The following GHR variants were observed in gnomAD, a reference collection of about 807,000 sequenced individuals.
GHR encodes growth hormone receptor.
Under a neutral mutation model 67.1 loss-of-function variants are expected in GHR, and 35 were observed. That is an observed-to-expected ratio of 0.52 (90% CI 0.40 to 0.69). The LOEUF (loss-of-function observed/expected upper bound fraction) is 0.69. GHR is among the 30% of genes least tolerant of loss of function. GHR has a pLI of 0.00. For missense variants in GHR, 792 were observed against 764.6 expected, an observed-to-expected ratio of 1.04 and a Z score of -0.42; for synonymous variants, 272 against 269.1, an observed-to-expected ratio of 1.01 and a Z score of -0.10.
chr5:42,467,026 G>T (rs762275540), intron 1 of GHR: 15 of 1,569,996 alleles, frequency 9.6e-6, no homozygotes, highest in Non-Finnish European at 1.3e-5. Context: ...CTGTCTGAAG[G>T]CCTTCCCACA....
At chr5:42,679,699 G>C (rs1014201970) in intron 3 of GHR, among the ~76,000 whole-genome samples, 1 of 151,646 alleles carries the variant, frequency 6.6e-6, no homozygotes, top group Admixed American at 6.6e-5. Flanking sequence ...TAATAACCAA[G>C]TGACTTTGGG....
chr5:42,517,985 C>G (rs145579782), intron 1 of GHR, among the ~76,000 whole-genome samples: 1 of 152,044 alleles, frequency 6.6e-6, no homozygotes, highest in African/African-American at 2.4e-5. Context: ...CTAAGCGGCT[C>G]AGTTCTCTCA....
At chr5:42,628,981 T>A (rs1480429200) in intron 2 of GHR, 57 bp from the exon 3 acceptor site, 2 of 960,126 alleles carry the variant, frequency 2.1e-6, no homozygotes, top group African/African-American at 4.2e-5. Context: ...TTACACAGGG[T>A]CATATCAGAT....
chr5:42,443,100 T>C (rs997995378), intron 1 of GHR, among the ~76,000 whole-genome samples: 1 of 152,196 alleles, frequency 6.6e-6, no homozygotes, highest in African/African-American at 2.4e-5. Context: ...TCAGTCTGGC[T>C]ACAAAGATTT....
chr5:42,476,198 C>G (rs536961687), intron 1 of GHR, among the ~76,000 whole-genome samples: 1 of 141,056 alleles, frequency 7.1e-6, no homozygotes, highest in Non-Finnish European at 1.5e-5. Flanking sequence ...CCACCGCGCC[C>G]GGCTTTTTGT....
chr5:42,687,435 T>TC (rs1268724825), intron 3 of GHR, among the ~76,000 whole-genome samples: 1 of 152,142 alleles, frequency 6.6e-6, no homozygotes, highest in Non-Finnish European at 1.5e-5. Flanking sequence ...CTACATAGGA[T>TC]CCCCACATCC....
At chr5:42,560,382 C>CG (rs557245755) in intron 1 of GHR, among the ~76,000 whole-genome samples, 157 of 152,152 alleles carry the variant, frequency 1.0e-3, no homozygotes, top group African/African-American at 3.8e-3. Flanking sequence ...TTGGTAGAGA[C>CG]GGGGTTTCAC....
chr5:42,542,659 G>A (rs1222077164), intron 1 of GHR, among the ~76,000 whole-genome samples: 8 of 151,876 alleles, frequency 5.3e-5, no homozygotes, highest in Non-Finnish European at 1.2e-4. Context: ...ATCATTTTTG[G>A]GGTACAAGTG....
chr5:42,426,675 C>A (rs917006578), intron 1 of GHR, among the ~76,000 whole-genome samples: 2 of 152,164 alleles, frequency 1.3e-5, no homozygotes, highest in African/African-American at 4.8e-5. Flanking sequence ...CCTTTTCAAT[C>A]TTCAATTGAT....
chr5:42,537,076 T>C (rs1748290254), intron 1 of GHR, among the ~76,000 whole-genome samples: 2 of 152,110 alleles, frequency 1.3e-5, no homozygotes, highest in African/African-American at 4.8e-5. Context: ...ATCTTACTAA[T>C]GGTCTATTGA....
At chr5:42,529,135 C>A (rs1197237431) in intron 1 of GHR, among the ~76,000 whole-genome samples, 4 of 151,910 alleles carry the variant, frequency 2.6e-5, no homozygotes, top group Non-Finnish European at 5.9e-5. Flanking sequence ...CCTCAGCCTC[C>A]CGAGTAGCTG....
rs144770561 is a variant in GHR at position 42,437,065 on chromosome 5, C to G, written c.-12+13110C>G. Among the ~76,000 whole-genome samples, 21 of 152,200 alleles carry G rather than the reference C, an allele frequency of 1.4e-4. No homozygotes were observed. The East Asian group carries it at 3.9e-3, about 28-fold the overall frequency. On this transcript the variant is annotated intron_variant, in intron 1 of 9. Transcript: ENST00000230882. Reference sequence around the variant, plus strand: ...CTAATAACACAATCTATGTAAAACACAAATTATTGGCTCAGAATGATATCT... The same window carrying G: ...CTAATAACACAATCTATGTAAAACAGAAATTATTGGCTCAGAATGATATCT...
chr5:42,694,806 C>T (rs1319749521), intron 4 of GHR, 111 bp from the exon 5 acceptor site: 2 of 846,766 alleles, frequency 2.4e-6, no homozygotes, highest in African/African-American at 1.7e-5. Context: ...TACCTCTTCA[C>T]AAAATATTTG....
At chr5:42,572,572 A>T (rs1750388579) in intron 2 of GHR, among the ~76,000 whole-genome samples, 1 of 152,218 alleles carries the variant, frequency 6.6e-6, no homozygotes, top group Non-Finnish European at 1.5e-5. Context: ...TGGACAGACC[A>T]GGAGGCCTTG....
intron 3 of GHR, among the ~76,000 whole-genome samples, chr5:42,669,183 C>T (rs1370176246): frequency 6.6e-6 from 1 of 152,162 alleles, no homozygotes; most frequent in Non-Finnish European, 1.5e-5. Flanking sequence ...AAAGCCTGCA[C>T]ATCAACAGGT....
chr5:42,454,025 A>T (rs943531109), intron 1 of GHR, among the ~76,000 whole-genome samples: 5 of 152,156 alleles, frequency 3.3e-5, no homozygotes, highest in African/African-American at 1.2e-4. Flanking sequence ...TCCCCTAGGG[A>T]TGGGCTTCCT....
At chr5:42,550,111 C>T in intron 1 of GHR, 1 of 970,432 alleles carries the variant, frequency 1.0e-6, no homozygotes, top group Non-Finnish European at 1.2e-6. Context: ...CACGTATGAG[C>T]CTGGGGTAAG....
chr5:42,534,482 GTATA>G (rs1020194432), intron 1 of GHR, among the ~76,000 whole-genome samples: 4 of 141,234 alleles, frequency 2.8e-5, no homozygotes, highest in African/African-American at 1.2e-4. Flanking sequence ...ATGTATATGT[GTATA>G]TATGTATGTA....
At chr5:42,465,383 G>A (rs1744681129) in intron 1 of GHR, 1 of 1,125,708 alleles carries the variant, frequency 8.9e-7, no homozygotes, top group Non-Finnish European at 1.3e-6. Flanking sequence ...AGGGTATAAA[G>A]GGATTGAAGA....
Sources: allele counts gnomAD v4.1 joint callset (sites outside exome capture counted in the v4.1 genomes callset), GRCh38; gene constraint gnomAD v4.1.1; transcripts MANE v1.5; gene names NCBI Gene and HGNC (gene_info 2026-07-23, HGNC 2026-07-21).